JKAMP: variants seen among roughly 807,000 people sequenced by gnomAD.
The protein encoded by JKAMP is JNK1/MAPK8-associated membrane protein.
Under a neutral mutation model 40.2 loss-of-function variants are expected in JKAMP, and 20 were observed. The observed-to-expected ratio is 0.50, with a 90% CI of 0.35 to 0.72. The LOEUF (loss-of-function observed/expected upper bound fraction) is 0.72. Among genes scored for constraint, JKAMP ranks in the 30% least tolerant of loss-of-function variants. JKAMP has a pLI of 0.01. For missense variants in JKAMP, 276 were observed against 373.0 expected (o/e 0.74, Z 2.14); for synonymous variants, 138 against 131.6 (o/e 1.05, Z -0.33).
At chr14:59,485,172 G>C in intron 1 of JKAMP, 1 of 1,568,802 alleles carries the variant, frequency 6.4e-7, no homozygotes, top group Non-Finnish European at 8.6e-7. Flanking sequence ...TTCAGGCCTT[G>C]GATTTTGAGA....
rs1422232869 is a variant in JKAMP, at chr14:59,484,581, A to G, written c.-9A>G. The G allele has an allele frequency of 1.9e-6, 3 of 1,576,106 alleles. No homozygotes were observed. The highest frequency in any genetic ancestry group is 1.4e-5 in the African/African-American group (1 of 73,760). On this transcript the variant is annotated 5_prime_UTR_variant, in exon 1 of 7. Coordinates refer to ENST00000616435, the MANE Select transcript of JKAMP (RefSeq NM_016475.5). ...CTAGTGCTTCTCGAAAAAAACCTTC[A>G]GGCGGCCCATGGGTGAGTGGTCGCC...
intron 6 of JKAMP, among the ~76,000 whole-genome samples, chr14:59,503,239 A>G (rs1333957341): frequency 1.3e-5 from 2 of 152,218 alleles, no homozygotes; most frequent in African/African-American, 2.4e-5. Flanking sequence ...GAGCTGTTTA[A>G]TAAGAGAAAG....
At chr14:59,493,490 C>G (rs950329421) in intron 3 of JKAMP, among the ~76,000 whole-genome samples, 2 of 152,152 alleles carry the variant, frequency 1.3e-5, no homozygotes, top group Non-Finnish European at 2.9e-5. Context: ...GTTCTTGTTT[C>G]AAGCCACTAA....
intron 3 of JKAMP, among the ~76,000 whole-genome samples, chr14:59,492,556 G>A (rs1891101245): frequency 6.6e-6 from 1 of 152,142 alleles, no homozygotes; most frequent in Non-Finnish European, 1.5e-5. Context: ...GGCATTTATA[G>A]TTCATTTATG....
chr14:59,493,044 C>G (rs1273154), intron 3 of JKAMP, among the ~76,000 whole-genome samples: 1 of 151,456 alleles, frequency 6.6e-6, no homozygotes, highest in Non-Finnish European at 1.5e-5. Flanking sequence ...GTGATCCACC[C>G]GCCCCGGCCT....
rs114338667 is a variant in JKAMP, at chr14:59,490,364, G to T, written c.251+2536G>T. On this transcript the variant is annotated intron_variant, in intron 3 of 6. Transcript: ENST00000616435. ...TCCCACTAGGCCCCACCTCACTGAG[G>T]ATTACATTTCAACATGAGATTTGGA... Among the ~76,000 whole-genome samples, 421 of 152,254 alleles carry T rather than the reference G, an allele frequency of 2.8e-3. 2 individuals are homozygous for T. The highest frequency in any genetic ancestry group is 9.7e-3 in the African/African-American group (405 of 41,554).
chr14:59,503,887 C>A lies in JKAMP; in HGVS notation c.751C>A (p.Leu251Ile). The A allele has an allele frequency of 6.2e-7, 1 of 1,612,510 alleles. No individual in the cohort carries two copies. The highest frequency in any genetic ancestry group is 1.1e-5 in the South Asian group (1 of 91,048). The change falls in exon 7 of 7, where the codon CTT becomes ATT. Residue 251 changes from leucine to isoleucine, a missense_variant. By Grantham distance (5) the Leu-to-Ile change is conservative. Transcript: ENST00000616435. Reference sequence around the variant, plus strand: ...TGATCTTCTGGTCAGAAAGAAAAGACTTATTGTTCTCTTCAGCCACTGGTT... The same window carrying A: ...TGATCTTCTGGTCAGAAAGAAAAGAATTATTGTTCTCTTCAGCCACTGGTT... The part of the protein sequence containing the change: ...CYDLLVRKKR[L>I]IVLFSHWLLH...
intron 3 of JKAMP, among the ~76,000 whole-genome samples, chr14:59,494,524 C>G (rs567320708): frequency 1.3e-5 from 2 of 152,188 alleles, no homozygotes; most frequent in Non-Finnish European, 2.9e-5. Context: ...AGCAGAAATA[C>G]AGTTGGGATA....
At position 59,501,156 on chromosome 14, in the gene JKAMP, T is replaced by G. The variant is rs753119902; in HGVS notation, c.641-35T>G. 2.3e-6 allele frequency: 3 copies of G among 1,325,274 alleles called. No individual in the cohort carries two copies. The South Asian group carries it at 3.8e-5, about 17-fold the overall frequency. The allele number at this position is 1,325,274 out of a possible 1,614,324, so 82.1% of individuals were successfully genotyped here. ...TGATGGTTTATTGAGAAAATTTGTT[T>G]CATTTCCAACATAATACCAATGCTT... On this transcript the variant is annotated intron_variant, in intron 5 of 6. Transcript: ENST00000616435.
intron 2 of JKAMP, 30 bp from the exon 3 acceptor site, chr14:59,487,644 T>C (rs778836736): frequency 1.3e-6 from 2 of 1,554,726 alleles, no homozygotes; most frequent in South Asian, 1.1e-5. Flanking sequence ...ATAATATCTG[T>C]ACACAAAATA....
At chr14:59,501,838 T>C (rs1378329246) in intron 6 of JKAMP, among the ~76,000 whole-genome samples, 2 of 152,204 alleles carry the variant, frequency 1.3e-5, no homozygotes, top group South Asian at 2.1e-4. Flanking sequence ...TATTTTAATA[T>C]TTCAGTGGAA....
Position 59,504,241 on chromosome 14 carries a change from GA to G in JKAMP, c.*173del, listed in dbSNP as rs2139926575. 2 of 606,156 alleles carry G rather than the reference GA, an allele frequency of 3.3e-6. No homozygotes were observed. The highest frequency in any genetic ancestry group is 5.5e-5 in the East Asian group (2 of 36,392). The allele number at this position is 606,156 out of a possible 1,614,324, so 37.5% of individuals were successfully genotyped here. ...GTTTATGGTTAGACTTACAGACTTG[GA>G]AAATGCAAAACTCTGTAATACTCTG... On this transcript the variant is annotated 3_prime_UTR_variant, in exon 7 of 7. Transcript: ENST00000616435.
chr14:59,490,900 G>A (rs554013434), intron 3 of JKAMP, among the ~76,000 whole-genome samples: 34 of 152,286 alleles, frequency 2.2e-4, no homozygotes, highest in Non-Finnish European at 4.4e-4. Context: ...GAATTCAGAC[G>A]TCAGCTATGT....
At chr14:59,486,927 G>T in intron 2 of JKAMP, 123 bp downstream of exon 2, 1 of 715,296 alleles carries the variant, frequency 1.4e-6, no homozygotes, top group Non-Finnish European at 2.3e-6. Flanking sequence ...AGGACCAGGC[G>T]CAGTGGCTCA....
At chr14:59,501,544 C>G (rs184384667) in intron 6 of JKAMP, among the ~76,000 whole-genome samples, 1 of 152,196 alleles carries the variant, frequency 6.6e-6, no homozygotes, top group Non-Finnish European at 1.5e-5. Context: ...ATGTAGCAAA[C>G]ATATAATTAT....
chr14:59,503,807 C>T (rs1390520207), intron 6 of JKAMP, 47 bp from the exon 7 acceptor site: 1 of 1,162,700 alleles, frequency 8.6e-7, no homozygotes, highest in Admixed American at 1.8e-5. Flanking sequence ...GCTGACTTAG[C>T]CTGATAATCT....
intron 1 of JKAMP, chr14:59,484,888 G>T: frequency 7.5e-7 from 1 of 1,333,148 alleles, no homozygotes; most frequent in African/African-American, 1.5e-5. Context: ...CTTGCTTGAG[G>T]GTTGACTTCG....
intron 1 of JKAMP, chr14:59,485,833 G>C (rs983443734): frequency 6.6e-6 from 1 of 152,230 alleles, no homozygotes; most frequent in African/African-American, 2.4e-5. Flanking sequence ...GGCCAGGCTG[G>C]TCTGGAACTC....
At chr14:59,492,645 C>T (rs1189345481) in intron 3 of JKAMP, among the ~76,000 whole-genome samples, 2 of 152,194 alleles carry the variant, frequency 1.3e-5, no homozygotes, top group African/African-American at 4.8e-5. Context: ...ATATAGTTGA[C>T]ATTCTATCCT....
Sources: allele counts gnomAD v4.1 joint callset (sites outside exome capture counted in the v4.1 genomes callset), GRCh38; gene constraint gnomAD v4.1.1; transcripts MANE v1.5; gene names NCBI Gene and HGNC (gene_info 2026-07-23, HGNC 2026-07-21).